Variants in AP3D1 observed in about 807,000 individuals in gnomAD.
The protein encoded by AP3D1 is AP-3 complex subunit delta-1.
A neutral mutation model predicts 147.6 loss-of-function variants in AP3D1; 51 were observed. The ratio of observed to expected loss-of-function variants is 0.35; its 90% CI spans 0.28 to 0.44. The LOEUF (loss-of-function observed/expected upper bound fraction) is 0.44, where lower values mean the gene tolerates loss of function less well. AP3D1 is among the 20% of genes least tolerant of loss of function. The pLI is 1.00. For synonymous variants in AP3D1, 760 were observed against 663.0 expected (o/e 1.15, Z -2.25); for missense variants, 1,421 against 1,624.2 (o/e 0.87, Z 2.15).
In AP3D1 at chr19:2,137,775, G is replaced by C. The variant is rs760739957; in HGVS notation, c.225C>G (p.Ala75=). ...LQMLGYDISW[A]AFNIIEVMSA... is the part of the protein sequence containing the mutation. ...TCATCACTTCTATGATGTTGAAGGC[G>C]GCCCAGCTGATGTCGTATCCCAACA... Residue 75 remains alanine, a synonymous_variant, in exon 3 of 32, where the codon GCC becomes GCG. Coordinates refer to ENST00000643116, the MANE Select transcript of AP3D1 (RefSeq NM_001261826.3). 20 of 1,613,914 alleles carry C rather than the reference G, an allele frequency of 1.2e-5. No individual in the cohort carries two copies. The highest frequency in any genetic ancestry group is 1.7e-5 in the Admixed American group (1 of 59,992).
At chr19:2,140,281 T>A (rs1286013571) in intron 1 of AP3D1, among the ~76,000 whole-genome samples, 2 of 152,082 alleles carry the variant, frequency 1.3e-5, no homozygotes. Flanking sequence ...CACGGTTCCA[T>A]GTGGAGTTAC....
intron 5 of AP3D1, among the ~76,000 whole-genome samples, chr19:2,131,523 C>T (rs1159376385): frequency 1.7e-5 from 2 of 120,888 alleles, no homozygotes; most frequent in African/African-American, 7.3e-5. Context: ...GGCCCATCGG[C>T]CACGATCTAG....
intron 11 of AP3D1, among the ~76,000 whole-genome samples, chr19:2,122,298 G>A (rs772992277): frequency 7.2e-5 from 11 of 152,202 alleles, no homozygotes; most frequent in African/African-American, 4.8e-5. Flanking sequence ...ACCAGCTCAC[G>A]GACAGCTAAG....
At chr19:2,134,611 T>G (rs923119324) in intron 4 of AP3D1, among the ~76,000 whole-genome samples, 2 of 151,148 alleles carry the variant, frequency 1.3e-5, no homozygotes, top group African/African-American at 4.8e-5. Flanking sequence ...AAAATAATTT[T>G]TTTTTTTTGA....
chr19:2,158,792 C>T (rs2019670317), intron 1 of AP3D1, among the ~76,000 whole-genome samples: 2 of 152,120 alleles, frequency 1.3e-5, no homozygotes, highest in Admixed American at 6.6e-5. Flanking sequence ...TCTGTTAGTC[C>T]TGCAAAGGCA....
intron 31 of AP3D1, among the ~76,000 whole-genome samples, chr19:2,105,063 G>A (rs898936385): frequency 1.3e-5 from 2 of 152,168 alleles, no homozygotes; most frequent in Non-Finnish European, 2.9e-5. Flanking sequence ...GAAGGGCCCA[G>A]TGGGAATTTC....
intron 1 of AP3D1, among the ~76,000 whole-genome samples, chr19:2,143,456 G>A (rs1483481308): frequency 6.6e-6 from 1 of 151,338 alleles, no homozygotes; most frequent in Middle Eastern, 3.4e-3. Context: ...TAGCCAGGAT[G>A]GTCTCGATCT....
At chr19:2,141,351 G>C (rs4807204) in intron 1 of AP3D1, among the ~76,000 whole-genome samples, 1 of 151,206 alleles carries the variant, frequency 6.6e-6, no homozygotes, top group Admixed American at 6.6e-5. Context: ...CACAGGGTGC[G>C]TATTTCCTTT....
rs1334374510 is a variant in AP3D1 at position 2,123,884 on chromosome 19, A to G, written c.857-5T>C. ...CGGAGGACAGCGAGATGAGCACTGC[A>G]ACAGACAGCTTGGTCAGCACCACGG... On this transcript the variant is annotated splice_polypyrimidine_tract_variant and splice_region_variant and intron_variant, in intron 9 of 31. Transcript: ENST00000643116. 2 of 1,573,694 alleles carry G rather than the reference A, an allele frequency of 1.3e-6. No individual in the cohort carries two copies. Among genetic ancestry groups the G allele is most frequent in the Non-Finnish European group, 1.7e-6 (2 of 1,159,736 alleles).
At position 2,113,271 on chromosome 19, in the gene AP3D1, CCT is replaced by C. The variant is rs1008514443; in HGVS notation, c.2679+63_2679+64del. 12 of 911,002 alleles carry C rather than the reference CCT, an allele frequency of 1.3e-5. No homozygotes were observed. The African/African-American group carries it at 1.9e-4, about 14-fold the overall frequency. 56.4% of individuals were successfully genotyped at this position (911,002 alleles called of 1,614,324 possible). Reference sequence around the variant, plus strand: ...GGCCTCAGGAGACCCAGGGCTCTTCCCTGAGTGCCAGGTATGACCTCTGCAGA... The same window carrying C: ...GGCCTCAGGAGACCCAGGGCTCTTCCGAGTGCCAGGTATGACCTCTGCAGA... On this transcript the variant is annotated intron_variant, in intron 23 of 31. Coordinates refer to ENST00000643116, the MANE Select transcript of AP3D1 (RefSeq NM_001261826.3).
In AP3D1 at chr19:2,118,698, T is replaced by A; in HGVS notation, c.1616A>T (p.Gln539Leu). 1 of 1,613,516 alleles carries A rather than the reference T, an allele frequency of 6.2e-7. No homozygotes were observed. The highest frequency in any genetic ancestry group is 8.5e-7 in the Non-Finnish European group (1 of 1,180,000). ...CTGAGCGCCCTCTGCCTCCCCGGCC[T>A]GCTCCTTCTGCTGCAGGATGGAGGC... ...LYASILQQKE[Q>L]AGEAEGAQAV... Residue 539 changes from glutamine (Q) to leucine (L), a missense_variant, in exon 15 of 32, where the codon CAG becomes CTG. Gln to Leu is a moderately radical substitution (Grantham distance 113). This residue lies in a region of AP3D1 where 310 missense variants were observed against 388.1 expected (regional missense o/e 0.80). Transcript: ENST00000643116.
At chr19:2,150,878 G>C (rs1041563614) in intron 1 of AP3D1, among the ~76,000 whole-genome samples, 4 of 152,230 alleles carry the variant, frequency 2.6e-5, no homozygotes, top group African/African-American at 9.6e-5. Context: ...CCCGAGACGG[G>C]GGCAGGTGGG....
chr19:2,130,440 C>T lies in AP3D1; in HGVS notation c.560G>A (p.Arg187Gln), dbSNP rs1356783303. The change falls in exon 6 of 32, where the codon CGG (arginine) becomes CAG (glutamine). Residue 187 changes from arginine to glutamine, a missense_variant. By Grantham distance (43) the Arg-to-Gln change is conservative. Coordinates refer to ENST00000643116, the MANE Select transcript of AP3D1 (RefSeq NM_001261826.3). ...YPESLRPAFP[R>Q]LKEKLEDPDP... The stretch of plus-strand genomic sequence containing the variant: ...GGGGTCCTCCAGCTTCTCCTTCAGC[C>T]GGGGAAAGGCAGGGCGCAGCGACTC... 2.5e-6 allele frequency: 4 copies of T among 1,614,006 alleles called. No homozygotes were observed. The highest frequency in any genetic ancestry group is 3.4e-6 in the Non-Finnish European group (4 of 1,180,012).
intron 1 of AP3D1, chr19:2,164,338 C>T: frequency 9.1e-7 from 1 of 1,098,342 alleles, no homozygotes; most frequent in Non-Finnish European, 1.2e-6. Flanking sequence ...ACCCCAAACC[C>T]CCCCAAGCCG....
intron 24 of AP3D1, 129 bp from the exon 25 acceptor site, chr19:2,111,957 C>T (rs978384269): frequency 1.4e-6 from 2 of 1,427,026 alleles, no homozygotes; most frequent in Non-Finnish European, 1.9e-6. Flanking sequence ...GATGGCAGGA[C>T]CAGCCACGCC....
intron 1 of AP3D1, among the ~76,000 whole-genome samples, chr19:2,140,755 C>CTTTTTTTTT (rs71176516): frequency 9.3e-6 from 1 of 107,196 alleles, no homozygotes. Context: ...ACACAAACGT[C>CTTTTTTTTT]TTTTTTTTTT....
intron 1 of AP3D1, 126 bp downstream of exon 1, chr19:2,151,113 T>A (rs564675081): frequency 3.4e-6 from 3 of 884,528 alleles, no homozygotes; most frequent in African/African-American, 3.5e-5. Context: ...GCCGGAGCCC[T>A]AAGCGGGACC....
Position 2,114,837 on chromosome 19 carries a change from G to C in AP3D1, c.2350-16C>G. The C allele has an allele frequency of 1.2e-6, 2 of 1,613,744 alleles. No homozygotes were observed. On this transcript the variant is annotated splice_polypyrimidine_tract_variant and intron_variant, in intron 20 of 31. Transcript: ENST00000643116. ...GCAGAGCATTCTGACAGGAAGAGAG[G>C]AACCCCATCACTGGAACCCGCCCTT...
At chr19:2,143,714 C>T (rs527625497) in intron 1 of AP3D1, among the ~76,000 whole-genome samples, 191 of 152,126 alleles carry the variant, frequency 1.3e-3, no homozygotes, top group African/African-American at 4.2e-3. Context: ...CTGTAGGGGG[C>T]CGCGATCGCA....
Sources: allele counts gnomAD v4.1 joint callset (sites outside exome capture counted in the v4.1 genomes callset), GRCh38; gene constraint gnomAD v4.1.1; regional missense constraint gnomAD v4.1.1; transcripts MANE v1.5; gene names NCBI Gene and HGNC (gene_info 2026-07-23, HGNC 2026-07-21).